Variants in PPP1R3C observed in about 807,000 individuals in gnomAD.
PPP1R3C encodes the protein protein phosphatase 1 regulatory subunit 3C, also known as PP1 subunit R5.
In PPP1R3C, 20 loss-of-function variants were observed where a neutral mutation model predicts 29.3. The ratio of observed to expected loss-of-function variants is 0.68; its 90% CI spans 0.48 to 0.99. The LOEUF (loss-of-function observed/expected upper bound fraction) is 0.99. Among genes scored for constraint, PPP1R3C ranks in the 50% least tolerant of loss-of-function variants. The pLI, the probability that PPP1R3C is intolerant of heterozygous loss-of-function variation, is 0.00. For missense variants in PPP1R3C, 321 were observed against 386.0 expected (o/e 0.83, Z 1.41); for synonymous variants, 123 against 143.1 (o/e 0.86, Z 1.00).
chr10:91,631,066 A>G (rs1453617617), intron 1 of PPP1R3C, among the ~76,000 whole-genome samples, 200 bp from the exon 2 acceptor site: 1 of 152,212 alleles, frequency 6.6e-6, no homozygotes, highest in African/African-American at 2.4e-5. Flanking sequence ...GGCCGGCTAA[A>G]GGCTATTAAT....
intron 1 of PPP1R3C, among the ~76,000 whole-genome samples, chr10:91,632,410 T>C (rs1848726808): frequency 6.6e-6 from 1 of 151,872 alleles, no homozygotes; most frequent in Non-Finnish European, 1.5e-5. Context: ...GTTTTTTTTT[T>C]TTTACTTTTT....
At chr10:91,631,263 TCCTCCTTC>T (rs1330478681) in intron 1 of PPP1R3C, among the ~76,000 whole-genome samples, 4 of 152,200 alleles carry the variant, frequency 2.6e-5, no homozygotes, top group African/African-American at 9.7e-5. Context: ...TTTCCTCCTT[TCCTCCTTC>T]CCTCCTTCCT....
At position 91,630,482 on chromosome 10, in the gene PPP1R3C, G is replaced by A. The variant is rs774274131; in HGVS notation, c.399C>T (p.Asn133=). 1 of 1,614,160 alleles carries A rather than the reference G, an allele frequency of 6.2e-7. No individual in the cohort carries two copies. Among genetic ancestry groups the A allele is most frequent in the Admixed American group, 1.7e-5 (1 of 60,018 alleles). ...AAGGCTGAGGGAAATCTAAAATCAA[G>A]TTTTTCTCCTCGTGGTGTTTTAAGG... ...SSALKHHEEK[N]LILDFPQPST... is the part of the protein sequence containing the mutation. Residue 133 remains asparagine (N), a synonymous_variant, in exon 2 of 2, where the codon AAC becomes AAT. Coordinates refer to ENST00000238994, the MANE Select transcript of PPP1R3C (RefSeq NM_005398.7). The surrounding 1 kb of genome is among the most constrained non-coding windows in gnomAD (Gnocchi z 4.4).
In PPP1R3C at chr10:91,629,862, C is replaced by T; in HGVS notation, c.*65G>A. 2 of 1,552,080 alleles carry T rather than the reference C, an allele frequency of 1.3e-6. No homozygotes were observed. Among genetic ancestry groups the T allele is most frequent in the Non-Finnish European group, 1.8e-6 (2 of 1,128,798 alleles). ...GTAGCAAAGGCTTCCTAAAATTGAG[C>T]AATACAGACCTAGGATTGCATGGGG... is the stretch of plus-strand genomic sequence containing the variant. On this transcript the variant is annotated 3_prime_UTR_variant, in exon 2 of 2. Coordinates refer to ENST00000238994, the MANE Select transcript of PPP1R3C (RefSeq NM_005398.7).
rs1044563 is a variant in PPP1R3C, at chr10:91,630,392, C to A, written c.489G>T (p.Ser163=). The A allele has an allele frequency of 6.2e-6, 10 of 1,614,064 alleles. No homozygotes were observed. In the East Asian group the frequency reaches 6.7e-5, roughly 11 times the overall value. ...QKNFVCLENC[S]LQERTVTGTV... ...TCCCTGTCACTGTTCGCTCTTGCAA[C>A]GAGCAGTTCTCCAGACAGACAAAGT... is the stretch of plus-strand genomic sequence containing the variant. Residue 163 remains serine (S), a synonymous_variant, in exon 2 of 2, where the codon TCG becomes TCT. Coordinates refer to ENST00000238994, the MANE Select transcript of PPP1R3C (RefSeq NM_005398.7). The surrounding 1 kb of genome is among the most constrained non-coding windows in gnomAD (Gnocchi z 4.4).
At chr10:91,631,104 G>A (rs1791937107) in intron 1 of PPP1R3C, among the ~76,000 whole-genome samples, 1 of 152,134 alleles carries the variant, frequency 6.6e-6, no homozygotes, top group South Asian at 2.1e-4. Context: ...GGGTGATGGG[G>A]GTCTCAGTTT....
rs756635648 is a variant in PPP1R3C at position 91,630,661 on chromosome 10, A to C, written c.220T>G (p.Trp74Gly). The C allele has an allele frequency of 6.2e-7, 1 of 1,612,686 alleles. No individual in the cohort carries two copies. Among genetic ancestry groups the C allele is most frequent in the East Asian group, 2.2e-5 (1 of 44,854 alleles). Residue 74 changes from tryptophan to glycine, a missense_variant, in exon 2 of 2, where the codon TGG (tryptophan) becomes GGG (glycine). Coordinates refer to ENST00000238994, the MANE Select transcript of PPP1R3C (RefSeq NM_005398.7). The surrounding 1 kb of genome is among the most constrained non-coding windows in gnomAD (Gnocchi z 4.4). The part of the protein sequence containing the change: ...IKHKAKSQND[W>G]KCSHNQAKKR... Reference sequence around the variant, plus strand: ...TTGGCTTGGTTGTGTGAGCACTTCCAGTCATTCTGTGATTTGGCTTTGTGT... The same window carrying C: ...TTGGCTTGGTTGTGTGAGCACTTCCCGTCATTCTGTGATTTGGCTTTGTGT...
At chr10:91,632,013 C>A (rs1848722386) in intron 1 of PPP1R3C, among the ~76,000 whole-genome samples, 1 of 152,156 alleles carries the variant, frequency 6.6e-6, no homozygotes, top group African/African-American at 2.4e-5. Flanking sequence ...GAAGACTTTT[C>A]TCTGACCTTT....
rs762369225 is a variant in PPP1R3C, at chr10:91,630,886, G to C, written c.15-20C>G. 1 of 1,594,462 alleles carries C rather than the reference G, an allele frequency of 6.3e-7. No homozygotes were observed. The highest frequency in any genetic ancestry group is 1.1e-5 in the South Asian group (1 of 90,762). On this transcript the variant is annotated intron_variant, in intron 1 of 1. Coordinates refer to ENST00000238994, the MANE Select transcript of PPP1R3C (RefSeq NM_005398.7). The surrounding 1 kb of genome is among the most constrained non-coding windows in gnomAD (Gnocchi z 4.4). ...ATCATTCTGGAATGCAAAAAGAAGA[G>C]GGATTATCACCTGGATCGGAAATGC...
chr10:91,632,806 T>C, intron 1 of PPP1R3C, 150 bp downstream of exon 1: 1 of 1,184,796 alleles, frequency 8.4e-7, no homozygotes, highest in Non-Finnish European at 1.2e-6. Flanking sequence ...CCAAGGCCTC[T>C]CGGTTGCCAG....
Position 91,633,023 on chromosome 10 carries a change from C to G in PPP1R3C, c.-54G>C. 5 of 1,598,418 alleles carry G rather than the reference C, an allele frequency of 3.1e-6. No individual in the cohort carries two copies. The highest frequency in any genetic ancestry group is 4.3e-6 in the Non-Finnish European group (5 of 1,172,146). On this transcript the variant is annotated 5_prime_UTR_variant, in exon 1 of 2. Transcript: ENST00000238994. ...CCAGCACCCGCTGCCTGCACAAATTCGAACCACAGCTCCAGGCCTTGCCCC... is the reference window on the plus strand; with the variant it reads ...CCAGCACCCGCTGCCTGCACAAATTGGAACCACAGCTCCAGGCCTTGCCCC...
intron 1 of PPP1R3C, among the ~76,000 whole-genome samples, chr10:91,631,840 A>G (rs1449346469): frequency 6.6e-6 from 1 of 152,148 alleles, no homozygotes; most frequent in Non-Finnish European, 1.5e-5. Context: ...TAATAATTTA[A>G]TAATTATTAT....
chr10:91,631,793 T>A (rs1167473005), intron 1 of PPP1R3C, among the ~76,000 whole-genome samples: 2 of 152,204 alleles, frequency 1.3e-5, no homozygotes, highest in Non-Finnish European at 2.9e-5. Flanking sequence ...TACAAACTTA[T>A]AAATATTGAA....
In PPP1R3C at chr10:91,633,055, G is replaced by T. The variant is rs972903287; in HGVS notation, c.-86C>A. The T allele has an allele frequency of 3.9e-6, 6 of 1,552,058 alleles. No homozygotes were observed. In the African/African-American group the frequency reaches 8.2e-5, roughly 21 times the overall value. On this transcript the variant is annotated 5_prime_UTR_variant, in exon 1 of 2. Coordinates refer to ENST00000238994, the MANE Select transcript of PPP1R3C (RefSeq NM_005398.7). ...CAGCTCCAGGCCTTGCCCCCGCGGCGGTCGCTGGGAGAGACTGAGGGCCCG... is the reference window on the plus strand; with the variant it reads ...CAGCTCCAGGCCTTGCCCCCGCGGCTGTCGCTGGGAGAGACTGAGGGCCCG...
chr10:91,632,963 A>C lies in PPP1R3C; in HGVS notation c.7T>G (p.Cys3Gly). 1 of 1,612,802 alleles carries C rather than the reference A, an allele frequency of 6.2e-7. No homozygotes were observed. The highest frequency in any genetic ancestry group is 8.5e-7 in the Non-Finnish European group (1 of 1,179,538). MS[C>G]TRMIQVLDPR... ...GAGTTGCAGCGAACCTACCTGGTGC[A>C]GCTCATTAGGCAGAGAGGCGGCGGA... Residue 3 changes from cysteine to glycine, a missense_variant, in exon 1 of 2, where the codon TGC becomes GGC. By Grantham distance (159) the Cys-to-Gly change is radical (BLOSUM62 -3). Coordinates refer to ENST00000238994, the MANE Select transcript of PPP1R3C (RefSeq NM_005398.7).
In PPP1R3C at chr10:91,629,807, C is replaced by A; in HGVS notation, c.*120G>T. On this transcript the variant is annotated 3_prime_UTR_variant, in exon 2 of 2. Coordinates refer to ENST00000238994, the MANE Select transcript of PPP1R3C (RefSeq NM_005398.7). ...GTCTTTCTTTTCCATAGCCAGGTCT[C>A]AAAAGCTCAAATCTAAACCTACTGA... 9.0e-7 allele frequency: 1 copy of A among 1,108,718 alleles called. No individual in the cohort carries two copies. The highest frequency in any genetic ancestry group is 1.3e-6 in the Non-Finnish European group (1 of 751,660). 68.7% of individuals were successfully genotyped at this position (1,108,718 alleles called of 1,614,324 possible).
At position 91,628,599 on chromosome 10, in the gene PPP1R3C, A is replaced by T. The variant is rs534632118; in HGVS notation, c.*1328T>A. 2 of 152,322 alleles carry T rather than the reference A, an allele frequency of 1.3e-5. No homozygotes were observed. The highest frequency in any genetic ancestry group is 2.9e-5 in the Non-Finnish European group (2 of 68,028). The allele number at this position is 152,322 out of a possible 1,614,324, so 9.4% of individuals were successfully genotyped here. On this transcript the variant is annotated 3_prime_UTR_variant, in exon 2 of 2. Transcript: ENST00000238994. ...GTACTTTTCCACCATGGCACATCAC[A>T]CATGTTAAAATTAACTGCATTCTTG...
chr10:91,632,929 T>A (rs1479510043), intron 1 of PPP1R3C, 27 bp downstream of exon 1: 1 of 1,609,834 alleles, frequency 6.2e-7, no homozygotes, highest in Middle Eastern at 1.7e-4. Flanking sequence ...CCTGTGTTCC[T>A]AGCGCGCAGA....
Position 91,630,794 on chromosome 10 carries a change from G to A in PPP1R3C, c.87C>T (p.Cys29=). 1 of 1,614,190 alleles carries A rather than the reference G, an allele frequency of 6.2e-7. No homozygotes were observed. The highest frequency in any genetic ancestry group is 8.5e-7 in the Non-Finnish European group (1 of 1,180,034). ...TCTTCACAGGTGGTGAATGTGCCAA[G>A]CAAAGCCTCATGGCCACATCCACGG... ...VMPVDVAMRL[C]LAHSPPVKSF... Residue 29 remains cysteine (C), a synonymous_variant, in exon 2 of 2, where the codon TGC becomes TGT. Transcript: ENST00000238994. The surrounding 1 kb of genome is among the most constrained non-coding windows in gnomAD (Gnocchi z 4.4).
Sources: allele counts gnomAD v4.1 joint callset (sites outside exome capture counted in the v4.1 genomes callset), GRCh38; gene constraint gnomAD v4.1.1; non-coding constraint Gnocchi (gnomAD v3.1); transcripts MANE v1.5; gene names NCBI Gene and HGNC (gene_info 2026-07-23, HGNC 2026-07-21).